TBCE: variants seen among roughly 807,000 people sequenced by gnomAD.
TBCE encodes the protein tubulin folding cofactor E, also known as tubulin-specific chaperone E.
TBCE carries 53 observed loss-of-function variants against 77.0 expected under a neutral mutation model. The observed-to-expected ratio is 0.69, with a 90% CI of 0.55 to 0.87. The LOEUF (loss-of-function observed/expected upper bound fraction) is 0.87, where lower values mean the gene tolerates loss of function less well. Among genes scored for constraint, TBCE ranks in the 40% least tolerant of loss-of-function variants. TBCE has a pLI of 0.00. For synonymous variants in TBCE, 235 were observed against 241.3 expected, an observed-to-expected ratio of 0.97 and a Z score of 0.24; for missense variants, 624 against 622.4, an observed-to-expected ratio of 1.00 and a Z score of -0.03.
intron 2 of TBCE, among the ~76,000 whole-genome samples, chr1:235,395,550 T>TC (rs1678673862): frequency 1.4e-5 from 2 of 144,926 alleles, no homozygotes; most frequent in South Asian, 2.2e-4. Context: ...TTCTTCTTCT[T>TC]TTTTTTTTTT....
chr1:235,382,069 G>GT (rs1428680254), intron 2 of TBCE, among the ~76,000 whole-genome samples: 1 of 148,480 alleles, frequency 6.7e-6, no homozygotes, highest in Non-Finnish European at 1.5e-5. Flanking sequence ...GCAGTGTTTG[G>GT]TTTTTTGTCC....
At chr1:235,423,336 T>TCAATA (rs1184212213) in intron 5 of TBCE, among the ~76,000 whole-genome samples, 1 of 152,044 alleles carries the variant, frequency 6.6e-6, no homozygotes, top group Non-Finnish European at 1.5e-5. Flanking sequence ...TTGACAGCTG[T>TCAATA]TGTTCGTGGT....
intron 7 of TBCE, chr1:235,433,100 C>A: frequency 1.3e-6 from 2 of 1,521,544 alleles, no homozygotes; most frequent in African/African-American, 1.4e-5. Flanking sequence ...GTGGCCAAGG[C>A]CAGTGAGGTC....
rs1678982829 is a variant in TBCE, at chr1:235,399,879, C to T, written c.101-1624C>T. 1.3e-5 allele frequency among the ~76,000 whole-genome samples: 2 copies of T among 152,128 alleles called. 1 individual carries two copies. Among genetic ancestry groups the T allele is most frequent in the Admixed American group, 1.3e-4 (2 of 15,262 alleles). The stretch of plus-strand genomic sequence containing the variant: ...ATTGAATTGGCGGACACCCAGATGG[C>T]ATCCCCTGCTTGGTGTGTGGGGAAA... On this transcript the variant is annotated intron_variant, in intron 2 of 16. Transcript: ENST00000642610.
intron 2 of TBCE, among the ~76,000 whole-genome samples, chr1:235,392,402 T>TA (rs1224368641): frequency 2.0e-5 from 1 of 50,604 alleles, no homozygotes; most frequent in African/African-American, 2.2e-4. Context: ...TGAACAGAAT[T>TA]TTTTTTTTTT....
At chr1:235,448,292 G>T in intron 15 of TBCE, 57 bp from the exon 16 acceptor site, 1 of 1,400,966 alleles carries the variant, frequency 7.1e-7, no homozygotes, top group Non-Finnish European at 1.0e-6. Context: ...ACATGAGCTA[G>T]TTTTACAGGT....
At chr1:235,391,302 C>G (rs541617633) in intron 2 of TBCE, among the ~76,000 whole-genome samples, 1 of 151,666 alleles carries the variant, frequency 6.6e-6, no homozygotes, top group Non-Finnish European at 1.5e-5. Context: ...GGCAACATGG[C>G]GAAACCCTGT....
intron 3 of TBCE, among the ~76,000 whole-genome samples, chr1:235,407,984 AAT>A (rs1679552749): frequency 6.6e-6 from 1 of 152,092 alleles, no homozygotes; most frequent in Non-Finnish European, 1.5e-5. Flanking sequence ...GTTTCCAAGC[AAT>A]GGTAGAAGTT....
At position 235,434,224 on chromosome 1, in the gene TBCE, G is replaced by C; in HGVS notation, c.681G>C (p.Gly227=). 6.2e-7 allele frequency: 1 copy of C among 1,614,104 alleles called. No individual in the cohort carries two copies. The highest frequency in any genetic ancestry group is 8.5e-7 in the Non-Finnish European group (1 of 1,180,024). ...TCCAGGTGCTGCGGTGTGTCGCGGG[G>C]TGCCCAGGCCTGGAGGAACTCTACC... ...TWAEVLRCVA[G]CPGLEELYLE... Residue 227 remains glycine (G), a synonymous_variant, in exon 8 of 17, where the codon GGG becomes GGC. Coordinates refer to ENST00000642610, the MANE Select transcript of TBCE (RefSeq NM_003193.5).
Position 235,371,696 on chromosome 1 carries a change from G to A in TBCE, c.-32+4192G>A, listed in dbSNP as rs533727093. ...CGGCCCCACCTTTTTTTCTGAGACA[G>A]AGTTTTGCTCTTGTCACCCAGGCTG... On this transcript the variant is annotated intron_variant, in intron 1 of 16. Coordinates refer to ENST00000642610, the MANE Select transcript of TBCE (RefSeq NM_003193.5). 5.0e-4 allele frequency among the ~76,000 whole-genome samples: 74 copies of A among 148,620 alleles called. 1 individual carries two copies. The highest frequency in any genetic ancestry group is 9.4e-4 in the Admixed American group (14 of 14,894).
At chr1:235,438,534 C>T (rs988524915) in intron 12 of TBCE, among the ~76,000 whole-genome samples, 6 of 140,922 alleles carry the variant, frequency 4.3e-5, no homozygotes, top group Admixed American at 1.5e-4. Flanking sequence ...GGCGACACAG[C>T]GAGACTCCAT....
intron 3 of TBCE, among the ~76,000 whole-genome samples, chr1:235,403,168 G>T (rs1395334874): frequency 6.6e-6 from 1 of 152,060 alleles, no homozygotes; most frequent in African/African-American, 2.4e-5. Flanking sequence ...AGATTCCTTA[G>T]GTACCTGGAC....
At chr1:235,396,986 T>TTTA (rs1558358854) in intron 2 of TBCE, among the ~76,000 whole-genome samples, 2 of 108,590 alleles carry the variant, frequency 1.8e-5, no homozygotes, top group Non-Finnish European at 3.8e-5. Flanking sequence ...TTATTTATTT[T>TTTA]TCTTTTGAGA....
chr1:235,390,617 C>T (rs1243691784), intron 2 of TBCE, among the ~76,000 whole-genome samples: 2 of 151,866 alleles, frequency 1.3e-5, no homozygotes, highest in African/African-American at 4.8e-5. Flanking sequence ...AAAAATTAGT[C>T]AGATGTGGTG....
intron 11 of TBCE, among the ~76,000 whole-genome samples, chr1:235,436,997 C>T (rs577648780): frequency 7.3e-5 from 11 of 151,114 alleles, no homozygotes; most frequent in Non-Finnish European, 1.5e-4. Context: ...GGCGTGGTGG[C>T]GCATGCCTGT....
intron 5 of TBCE, among the ~76,000 whole-genome samples, chr1:235,426,464 A>G (rs16832606): frequency 0.023 from 3,454 of 152,236 alleles, 141 homozygotes; most frequent in African/African-American, 0.078. Flanking sequence ...ATAGAAGGTC[A>G]TGTGCTGGGG....
At chr1:235,372,570 C>T (rs1402508412) in intron 1 of TBCE, among the ~76,000 whole-genome samples, 1 of 151,856 alleles carries the variant, frequency 6.6e-6, no homozygotes, top group Non-Finnish European at 1.5e-5. Context: ...TCTCTTGAGG[C>T]CAGCAGTTTG....
At chr1:235,371,656 G>T (rs1326434740) in intron 1 of TBCE, among the ~76,000 whole-genome samples, 1 of 151,418 alleles carries the variant, frequency 6.6e-6, no homozygotes, top group Non-Finnish European at 1.5e-5. Context: ...GATTACAGGC[G>T]TGAGCTACAG....
At position 235,448,836 on chromosome 1, in the gene TBCE, GA is replaced by G. The variant is rs1682685581; in HGVS notation, c.*76del. 3 of 1,104,090 alleles carry G rather than the reference GA, an allele frequency of 2.7e-6. No homozygotes were observed. Among genetic ancestry groups the G allele is most frequent in the Non-Finnish European group, 4.1e-6 (3 of 728,152 alleles). 68.4% of individuals were successfully genotyped at this position (1,104,090 alleles called of 1,614,324 possible). On this transcript the variant is annotated 3_prime_UTR_variant, in exon 17 of 17. Transcript: ENST00000642610. ...TTCACCGGAAATAAATGATTCACTG[GA>G]ACAATTCTACTGTCAAAACAAAGGG...
Sources: gnomAD v4.1 joint callset for allele counts (sites outside exome capture counted in the v4.1 genomes callset) on GRCh38, gnomAD v4.1.1 for gene constraint, MANE v1.5 for transcripts, NCBI Gene and HGNC (gene_info 2026-07-23, HGNC 2026-07-21) for gene names.